Variants in ANKRD6 observed in about 807,000 individuals in gnomAD.
The protein encoded by ANKRD6 is ankyrin repeat domain-containing protein 6.
ANKRD6 carries 56 observed loss-of-function variants against 82.3 expected under a neutral mutation model. The ratio of observed to expected loss-of-function variants is 0.68; its 90% CI spans 0.55 to 0.85. ANKRD6 has a LOEUF of 0.85. Among genes scored for constraint, ANKRD6 ranks in the 40% least tolerant of loss-of-function variants. The pLI, the probability that ANKRD6 is intolerant of heterozygous loss-of-function variation, is 0.00. For synonymous variants in ANKRD6, 347 were observed against 352.1 expected (o/e 0.99, Z 0.16); for missense variants, 852 against 907.6 (o/e 0.94, Z 0.79).
intron 1 of ANKRD6, among the ~76,000 whole-genome samples, chr6:89,452,598 A>C (rs191666102): frequency 6.6e-6 from 1 of 152,204 alleles, no homozygotes; most frequent in Non-Finnish European, 1.5e-5. Context: ...TGAACCCTCC[A>C]CTTGAGAAAT....
Position 89,523,299 on chromosome 6 carries a change from A to C in ANKRD6, c.-143-43535A>C, listed in dbSNP as rs146549441. ...GCTACCTTCATGGGAAAGGCCAGGG[A>C]TGGAGGGCCAGCTCTTAGTGAATGA... is the stretch of plus-strand genomic sequence containing the variant. On this transcript the variant is annotated intron_variant, in intron 1 of 15. Coordinates refer to ENST00000339746, the MANE Select transcript of ANKRD6 (RefSeq NM_001242809.2). 1.7e-3 allele frequency among the ~76,000 whole-genome samples: 266 copies of C among 152,274 alleles called. 2 individuals carry two copies. Among genetic ancestry groups the C allele is most frequent in the African/African-American group, 6.2e-3 (259 of 41,568 alleles).
chr6:89,468,598 TAAAAAAAAAAAAA>T (rs60606383), intron 1 of ANKRD6, among the ~76,000 whole-genome samples: 1 of 53,868 alleles, frequency 1.9e-5, no homozygotes, highest in Non-Finnish European at 3.2e-5. Flanking sequence ...GTTGATGAGC[TAAAAAAAAAAAAA>T]AAAAAAAAAA....
At position 89,580,557 on chromosome 6, in the gene ANKRD6, A is replaced by T. The variant is rs189719727; in HGVS notation, c.120+13461A>T. Among the ~76,000 whole-genome samples, 19 of 152,060 alleles carry T rather than the reference A, an allele frequency of 1.2e-4. 1 individual carries two copies. Among genetic ancestry groups the T allele is most frequent in the Admixed American group, 1.2e-3 (18 of 15,270 alleles). ...GTATACATTCATGGCCTCAAGAAACACAGTGAGAACAGGCTCTGCACCGAG... is the reference window on the plus strand; with the variant it reads ...GTATACATTCATGGCCTCAAGAAACTCAGTGAGAACAGGCTCTGCACCGAG... On this transcript the variant is annotated intron_variant, in intron 2 of 15. Transcript: ENST00000339746.
intron 5 of ANKRD6, among the ~76,000 whole-genome samples, chr6:89,607,167 C>T (rs1190368134): frequency 1.4e-5 from 1 of 72,884 alleles, no homozygotes; most frequent in South Asian, 3.6e-4. Flanking sequence ...GAGACCCGGT[C>T]TCAAAAAAAA....
At chr6:89,443,661 A>AGAGGT (rs1554210090) in intron 1 of ANKRD6, among the ~76,000 whole-genome samples, 1 of 151,324 alleles carries the variant, frequency 6.6e-6, no homozygotes, top group East Asian at 1.9e-4. Context: ...TATTTTTTGT[A>AGAGGT]GAGATTTTGC....
At chr6:89,450,194 G>C (rs1018243429) in intron 1 of ANKRD6, among the ~76,000 whole-genome samples, 1 of 151,998 alleles carries the variant, frequency 6.6e-6, no homozygotes, top group African/African-American at 2.4e-5. Flanking sequence ...AAAATTAGCC[G>C]GGTGTGGTGG....
At chr6:89,460,437 T>A (rs1773987310) in intron 1 of ANKRD6, among the ~76,000 whole-genome samples, 1 of 152,046 alleles carries the variant, frequency 6.6e-6, no homozygotes, top group South Asian at 2.1e-4. Flanking sequence ...GCAAGTTTTT[T>A]TTGTTTTTTG....
intron 1 of ANKRD6, among the ~76,000 whole-genome samples, chr6:89,463,782 C>G (rs1774491846): frequency 6.6e-6 from 1 of 152,086 alleles, no homozygotes; most frequent in Admixed American, 6.6e-5. Context: ...AACTCCTGAC[C>G]TCAGGTGATC....
chr6:89,524,760 G>C (rs1488758633), intron 1 of ANKRD6, among the ~76,000 whole-genome samples: 1 of 152,052 alleles, frequency 6.6e-6, no homozygotes, highest in South Asian at 2.1e-4. Flanking sequence ...TGGGATTGCT[G>C]GATCAAATAG....
intron 1 of ANKRD6, among the ~76,000 whole-genome samples, chr6:89,535,061 A>G (rs1344345747): frequency 6.6e-6 from 1 of 152,230 alleles, no homozygotes; most frequent in Non-Finnish European, 1.5e-5. Flanking sequence ...AGTAGAGCAC[A>G]TAGCTTCTTT....
At chr6:89,558,039 G>A (rs1786864493) in intron 1 of ANKRD6, among the ~76,000 whole-genome samples, 1 of 152,140 alleles carries the variant, frequency 6.6e-6, no homozygotes, top group African/African-American at 2.4e-5. Flanking sequence ...TAAATGTAAT[G>A]TGCTTGGATC....
intron 1 of ANKRD6, among the ~76,000 whole-genome samples, chr6:89,446,307 G>A (rs977508424): frequency 2.6e-5 from 4 of 151,968 alleles, no homozygotes; most frequent in African/African-American, 4.8e-5. Flanking sequence ...AGTCAAGATC[G>A]TGCCATTGCA....
At chr6:89,443,519 T>C (rs1390196583) in intron 1 of ANKRD6, among the ~76,000 whole-genome samples, 3 of 152,300 alleles carry the variant, frequency 2.0e-5, no homozygotes, top group South Asian at 2.1e-4. Flanking sequence ...CAGGCTGGAA[T>C]GCAGAGGTGT....
chr6:89,627,088 C>T (rs1255525139), intron 13 of ANKRD6, among the ~76,000 whole-genome samples: 1 of 151,346 alleles, frequency 6.6e-6, no homozygotes, highest in African/African-American at 2.4e-5. Flanking sequence ...TGTGTATTTA[C>T]TGGATATTCA....
At chr6:89,504,558 G>A (rs1196556019) in intron 1 of ANKRD6, among the ~76,000 whole-genome samples, 1 of 148,116 alleles carries the variant, frequency 6.8e-6, no homozygotes, top group Non-Finnish European at 1.5e-5. Context: ...TGTGCTACCC[G>A]CCTGGTTAAA....
At chr6:89,504,137 G>A (rs924308880) in intron 1 of ANKRD6, among the ~76,000 whole-genome samples, 1 of 119,210 alleles carries the variant, frequency 8.4e-6, no homozygotes, top group African/African-American at 3.1e-5. Flanking sequence ...TGGGGGGCGG[G>A]GGGTGGGGGG....
intron 1 of ANKRD6, among the ~76,000 whole-genome samples, chr6:89,445,084 G>A (rs1376213921): frequency 1.3e-5 from 2 of 152,062 alleles, no homozygotes; most frequent in Non-Finnish European, 2.9e-5. Flanking sequence ...GCAGATACGT[G>A]TTTTTCACGA....
intron 1 of ANKRD6, among the ~76,000 whole-genome samples, chr6:89,550,593 C>T (rs1436852437): frequency 1.3e-5 from 2 of 152,166 alleles, no homozygotes; most frequent in African/African-American, 4.8e-5. Flanking sequence ...GTGCTGGTTA[C>T]ACAGGTACAT....
intron 1 of ANKRD6, among the ~76,000 whole-genome samples, chr6:89,440,189 A>G (rs935758987): frequency 2.4e-4 from 37 of 152,234 alleles, no homozygotes; most frequent in Admixed American, 3.3e-4. Flanking sequence ...GAGAAAATTC[A>G]GGGAAAGAGT....
Sources: gnomAD v4.1 joint callset for allele counts (sites outside exome capture counted in the v4.1 genomes callset) on GRCh38, gnomAD v4.1.1 for gene constraint, MANE v1.5 for transcripts, NCBI Gene and HGNC (gene_info 2026-07-23, HGNC 2026-07-21) for gene names.